The following PHACTR1 variants were observed in gnomAD, a reference collection of about 807,000 sequenced individuals.
PHACTR1 encodes the protein phosphatase and actin regulator 1, also known as RPEL repeat containing 1.
PHACTR1 carries 16 observed loss-of-function variants against 69.2 expected under a neutral mutation model. That is an observed-to-expected ratio of 0.23 (90% confidence interval 0.16 to 0.35). The LOEUF is 0.35. Among genes scored for constraint, PHACTR1 ranks in the 10% least tolerant of loss-of-function variants. The probability of loss-of-function intolerance (pLI) is 1.00; values close to 1 mark genes in which losing one functional copy is unlikely to be tolerated. For missense variants in PHACTR1, 510 were observed against 734.7 expected (o/e 0.69, Z 3.54); for synonymous variants, 312 against 284.5 (o/e 1.10, Z -0.97).
intron 4 of PHACTR1, among the ~76,000 whole-genome samples, chr6:12,811,289 A>C (rs1167318102): frequency 6.6e-6 from 1 of 152,208 alleles, no homozygotes; most frequent in African/African-American, 2.4e-5. Flanking sequence ...AATAAATGCA[A>C]TTGAAATTGG....
chr6:13,086,083 T>TAAAAAAAAAAAAAAAAAAAAAAAACA (rs776154642), intron 5 of PHACTR1, among the ~76,000 whole-genome samples: 3 of 60,264 alleles, frequency 5.0e-5, no homozygotes, highest in Non-Finnish European at 8.8e-5. Context: ...TACACATTTC[T>TAAAAAAAAAAAAAAAAAAAAAAAACA]AAAAAAAAAA....
At chr6:13,096,746 C>G (rs1002048150) in intron 5 of PHACTR1, among the ~76,000 whole-genome samples, 4 of 152,148 alleles carry the variant, frequency 2.6e-5, no homozygotes, top group African/African-American at 2.4e-5. Flanking sequence ...ATTTATTAAG[C>G]ATAGCTTTCG....
chr6:12,748,341 G>A (rs1391591651), intron 3 of PHACTR1, among the ~76,000 whole-genome samples: 2 of 152,144 alleles, frequency 1.3e-5, no homozygotes, highest in Non-Finnish European at 1.5e-5. Context: ...GAAGTGGAGA[G>A]GGGGGGCTTG....
At chr6:13,286,007 TTCC>T in intron 13 of PHACTR1, 136 bp from the exon 14 acceptor site, 1 of 680,606 alleles carries the variant, frequency 1.5e-6, no homozygotes, top group East Asian at 3.1e-5. Flanking sequence ...GTGATTTTTC[TTCC>T]TCCCAATGAA....
At chr6:13,123,666 A>G (rs1819083938) in intron 5 of PHACTR1, among the ~76,000 whole-genome samples, 1 of 152,188 alleles carries the variant, frequency 6.6e-6, no homozygotes, top group Non-Finnish European at 1.5e-5. Flanking sequence ...TGAAATTTTG[A>G]CAAGAGTGCC....
intron 4 of PHACTR1, among the ~76,000 whole-genome samples, chr6:13,040,094 C>T (rs1803914944): frequency 6.6e-6 from 1 of 152,068 alleles, no homozygotes. Flanking sequence ...CAGAAATTTC[C>T]TCTTCTCTTT....
intron 4 of PHACTR1, among the ~76,000 whole-genome samples, chr6:12,771,466 G>A (rs1398152770): frequency 6.6e-6 from 1 of 152,108 alleles, no homozygotes; most frequent in Non-Finnish European, 1.5e-5. Flanking sequence ...GTGAATACAT[G>A]GATTGGGAAC....
At chr6:12,719,993 T>C (rs748625588) in intron 3 of PHACTR1, among the ~76,000 whole-genome samples, 17 of 152,200 alleles carry the variant, frequency 1.1e-4, no homozygotes, top group Admixed American at 6.5e-5. Context: ...AGTGATGTAA[T>C]AGCAAACTCT....
chr6:13,253,602 A>G (rs1381332269), intron 10 of PHACTR1, among the ~76,000 whole-genome samples: 3 of 152,222 alleles, frequency 2.0e-5, no homozygotes, highest in Admixed American at 1.3e-4. Context: ...CAATAAGTAC[A>G]GTGATACCTA....
chr6:12,749,885 GC>G (rs1479626601), intron 4 of PHACTR1, 95 bp downstream of exon 4: 9 of 1,191,764 alleles, frequency 7.6e-6, no homozygotes, highest in Non-Finnish European at 7.9e-6. Flanking sequence ...CCTCCCCGCC[GC>G]CCCCCGCAGT....
chr6:13,231,252 GAGAAAGAA>G (rs1158366646), intron 10 of PHACTR1, among the ~76,000 whole-genome samples: 1 of 133,458 alleles, frequency 7.5e-6, no homozygotes, highest in Admixed American at 7.6e-5. Flanking sequence ...AAGAAGGAAA[GAGAAAGAA>G]AGAAGGAAAG....
chr6:13,026,588 TC>T (rs1390991870), intron 4 of PHACTR1, among the ~76,000 whole-genome samples: 2 of 152,106 alleles, frequency 1.3e-5, no homozygotes, highest in East Asian at 3.9e-4. Context: ...TCTCTTTTCT[TC>T]CCGTCTTCTC....
At chr6:12,882,108 G>A (rs537398416) in intron 4 of PHACTR1, among the ~76,000 whole-genome samples, 1 of 152,268 alleles carries the variant, frequency 6.6e-6, no homozygotes, top group South Asian at 2.1e-4. Flanking sequence ...GGATGCACCC[G>A]AGGCTGAGAG....
intron 10 of PHACTR1, among the ~76,000 whole-genome samples, chr6:13,263,230 CTTTTAGTGTTTT>C (rs1776141046): frequency 9.1e-6 from 1 of 109,294 alleles, no homozygotes; most frequent in Non-Finnish European, 1.8e-5. Flanking sequence ...TTATTTTGGG[CTTTTAGTGTTTT>C]TTTTTTTTTT....
intron 4 of PHACTR1, among the ~76,000 whole-genome samples, chr6:13,034,118 C>G (rs1471750531): frequency 2.0e-5 from 3 of 151,912 alleles, no homozygotes; most frequent in African/African-American, 4.8e-5. Flanking sequence ...CTGGGGTTCA[C>G]GCCATTCTCC....
At chr6:12,724,307 A>T (rs1038236498) in intron 3 of PHACTR1, among the ~76,000 whole-genome samples, 3 of 152,226 alleles carry the variant, frequency 2.0e-5, no homozygotes, top group Non-Finnish European at 4.4e-5. Flanking sequence ...AGCCTGGGTG[A>T]CAGAGCGAGA....
chr6:12,756,941 G>C (rs906220326), intron 4 of PHACTR1, among the ~76,000 whole-genome samples: 1 of 151,928 alleles, frequency 6.6e-6, no homozygotes, highest in Admixed American at 6.6e-5. Context: ...CCGTTTTTTA[G>C]GCACTTGAGA....
chr6:13,067,604 T>C (rs1354852556), intron 5 of PHACTR1, among the ~76,000 whole-genome samples: 1 of 152,228 alleles, frequency 6.6e-6, no homozygotes, highest in African/African-American at 2.4e-5. Context: ...TTCAATGCCA[T>C]GTACTTGGAG....
intron 4 of PHACTR1, among the ~76,000 whole-genome samples, chr6:12,998,904 T>C (rs1243429620): frequency 6.6e-6 from 1 of 152,174 alleles, no homozygotes; most frequent in Non-Finnish European, 1.5e-5. Flanking sequence ...AATCAAGATA[T>C]AGCAATTAAA....
Sources: gnomAD v4.1 joint callset for allele counts (sites outside exome capture counted in the v4.1 genomes callset) on GRCh38, gnomAD v4.1.1 for gene constraint, MANE v1.5 for transcripts, NCBI Gene and HGNC (gene_info 2026-07-23, HGNC 2026-07-21) for gene names.